The following ZNF48 variants were observed in gnomAD, a reference collection of about 807,000 sequenced individuals.
ZNF48 encodes zinc finger protein 48, also known as zinc finger protein 553.
Under a neutral mutation model 40.0 loss-of-function variants are expected in ZNF48, and 20 were observed. The ratio of observed to expected loss-of-function variants is 0.50; its 90% CI spans 0.35 to 0.73. ZNF48 has a LOEUF of 0.73. Ranked by LOEUF, ZNF48 falls within the 30% of genes least tolerant of loss-of-function variation. The probability of loss-of-function intolerance (pLI) is 0.01; values close to 1 mark genes in which losing one functional copy is unlikely to be tolerated. For missense variants in ZNF48, 726 were observed against 851.9 expected, an observed-to-expected ratio of 0.85 and a Z score of 1.84; for synonymous variants, 298 against 329.7, an observed-to-expected ratio of 0.90 and a Z score of 1.04.
intron 1 of ZNF48, chr16:30,383,107 A>G (rs1479110552): frequency 9.4e-6 from 4 of 427,656 alleles, no homozygotes; most frequent in Non-Finnish European, 1.8e-5. Flanking sequence ...GCATGAGCCC[A>G]GAAGATCAAG....
At chr16:30,395,398 G>GC (rs1053116289), upstream of ZNF48, 8 of 379,078 alleles carry the variant, frequency 2.1e-5, no homozygotes, top group African/African-American at 8.9e-5. The surrounding 1 kb of genome is among the most constrained non-coding windows in gnomAD (Gnocchi z 5.9). Context: ...GCTCCGTGCG[G>GC]CCCCGCGCTT....
chr16:30,380,134 CAGAGAG>C (rs1197485441), intron 1 of ZNF48: 8 of 932,326 alleles, frequency 8.6e-6, no homozygotes, highest in East Asian at 3.0e-5. Flanking sequence ...TGGTCAGAGA[CAGAGAG>C]AAAGACATGA....
Position 30,398,875 on chromosome 16 carries a change from C to A in ZNF48, c.1625C>A (p.Pro542His). 1.2e-6 allele frequency: 2 copies of A among 1,613,964 alleles called. No homozygotes were observed. Among genetic ancestry groups the A allele is most frequent in the Non-Finnish European group, 1.7e-6 (2 of 1,179,988 alleles). The change falls in exon 3 of 3, where the codon CCC becomes CAC. Residue 542 changes from proline to histidine, a missense_variant. Physicochemically the swap from Pro to His is moderately conservative, Grantham distance 77. Coordinates refer to ENST00000613509, the MANE Select transcript of ZNF48 (RefSeq NM_001214909.2). This position sits in a 1 kb window ranked among gnomAD's most constrained non-coding sequence, Gnocchi z 6.6. Reference protein sequence around the residue: ...VRAQPSGPSQPHVCGFCGKEF... With the variant: ...VRAQPSGPSQHHVCGFCGKEF... ...GCCCAGCCTTCTGGACCCAGCCAGC[C>A]CCACGTGTGTGGCTTCTGTGGGAAG...
At chr16:30,386,939 CTT>C (rs1173887858) in intron 1 of ZNF48, among the ~76,000 whole-genome samples, 11 of 107,606 alleles carry the variant, frequency 1.0e-4, no homozygotes, top group Non-Finnish European at 1.6e-4. Flanking sequence ...TGCACCTGGC[CTT>C]TTTTTTTTTT....
Position 30,399,451 on chromosome 16 carries a change from T to G in ZNF48, c.*344T>G. 5.1e-6 allele frequency: 1 copy of G among 194,212 alleles called. No homozygotes were observed. The highest frequency in any genetic ancestry group is 1.1e-5 in the Non-Finnish European group (1 of 94,602). The allele number at this position is 194,212 out of a possible 1,614,324, so 12.0% of individuals were successfully genotyped here. On this transcript the variant is annotated 3_prime_UTR_variant, in exon 3 of 3. Transcript: ENST00000613509. ...TCTGTTAAGAACTGACACTTTCCCC[T>G]TGCTGGGCAGGTAGTACACACCTGT...
rs1209966638 is a variant in ZNF48, at chr16:30,382,721, A to G, written c.-16+4311A>G. The G allele has an allele frequency of 1.1e-5, 17 of 1,535,854 alleles. No homozygotes were observed. Among genetic ancestry groups the G allele is most frequent in the Non-Finnish European group, 1.5e-5 (17 of 1,146,198 alleles). On this transcript the variant is annotated intron_variant, in intron 1 of 2. Coordinates refer to the ZNF48 transcript ENST00000528032. The surrounding 1 kb of genome is among the most constrained non-coding windows in gnomAD (Gnocchi z 4.8). ...CACCTCCTGGACCCCTTTGCCCATC[A>G]CCTGTCTACGTACCTTCAACCCTCC...
rs779107202 is a variant in ZNF48, at chr16:30,381,204, C to T, written c.-16+2794C>T. 1.7e-5 allele frequency: 27 copies of T among 1,613,888 alleles called. No individual in the cohort carries two copies. Among genetic ancestry groups the T allele is most frequent in the African/African-American group, 6.7e-5 (5 of 74,848 alleles). ...ATGACTGGGATGATGTTGACTTTCT[C>T]GTGTACTGCCCGGAGGAAGGCCACA... is the stretch of plus-strand genomic sequence containing the variant. On this transcript the variant is annotated intron_variant, in intron 1 of 2. Coordinates refer to the ZNF48 transcript ENST00000528032. The surrounding 1 kb of genome is among the most constrained non-coding windows in gnomAD (Gnocchi z 4.3).
upstream of ZNF48, chr16:30,395,077 C>G: frequency 1.3e-5 from 5 of 381,760 alleles, no homozygotes; most frequent in South Asian, 9.4e-5. This position sits in a 1 kb window ranked among gnomAD's most constrained non-coding sequence, Gnocchi z 5.9. Context: ...GGTCTCTCCC[C>G]CACCCCTTTC....
At position 30,395,928 on chromosome 16, in the gene ZNF48, G is replaced by A; in HGVS notation, c.79+55G>A. ...ACAGGTAACGGCCGGTGGGGACTGCGATGCTTGGCTGTGGCCGGCCGAGAT... is the reference window on the plus strand; with the variant it reads ...ACAGGTAACGGCCGGTGGGGACTGCAATGCTTGGCTGTGGCCGGCCGAGAT... On this transcript the variant is annotated intron_variant, in intron 2 of 2. Coordinates refer to ENST00000613509, the MANE Select transcript of ZNF48 (RefSeq NM_001214909.2). This position sits in a 1 kb window ranked among gnomAD's most constrained non-coding sequence, Gnocchi z 5.9. The A allele has an allele frequency of 7.0e-7, 1 of 1,438,712 alleles. No individual in the cohort carries two copies. The highest frequency in any genetic ancestry group is 2.2e-5 in the Admixed American group (1 of 44,694). 89.1% of individuals were successfully genotyped at this position (1,438,712 alleles called of 1,614,324 possible). A position where few individuals can be genotyped will look rare whatever the true frequency, so the allele number is the denominator to read the frequency against.
chr16:30,386,939 CT>C (rs1173887858), intron 1 of ZNF48, among the ~76,000 whole-genome samples: 6,277 of 107,616 alleles, frequency 0.058, 76 homozygotes, highest in Non-Finnish European at 0.097. Flanking sequence ...TGCACCTGGC[CT>C]TTTTTTTTTT....
rs766915456 is a variant in ZNF48, at chr16:30,398,773, C to CACCACCACCATCCACTCTGCT, written c.1524_1544dup (p.Pro509_Leu515dup). On this transcript the variant is annotated inframe_insertion, in exon 3 of 3. Coordinates refer to ENST00000613509, the MANE Select transcript of ZNF48 (RefSeq NM_001214909.2). This position sits in a 1 kb window ranked among gnomAD's most constrained non-coding sequence, Gnocchi z 6.6. Reference sequence around the variant, plus strand: ...ACCCACCGTGGTGAACGGGCCCGGCCACCACCACCATCCACTCTGCTGCGG... The same window carrying CACCACCACCATCCACTCTGCT: ...ACCCACCGTGGTGAACGGGCCCGGCCACCACCACCATCCACTCTGCTACCACCACCATCCACTCTGCTGCGG... 3.1e-6 allele frequency: 5 copies of CACCACCACCATCCACTCTGCT among 1,613,662 alleles called. No homozygotes were observed. In the East Asian group the frequency reaches 1.1e-4, roughly 36 times the overall value.
chr16:30,388,051 C>T lies in ZNF48; in HGVS notation c.-15-7729C>T, dbSNP rs146240005. On this transcript the variant is annotated intron_variant, in intron 1 of 2. Transcript: ENST00000528032. ...GCGCGATCTCGGCTCACCACAACCT[C>T]CGCCTCCTGAGTTCAAGCGATTCTC... is the stretch of plus-strand genomic sequence containing the variant. 4.5e-3 allele frequency among the ~76,000 whole-genome samples: 680 copies of T among 151,932 alleles called. 7 individuals carry two copies. Among genetic ancestry groups the T allele is most frequent in the African/African-American group, 0.016 (650 of 41,444 alleles).
At chr16:30,379,026 G>A (rs1242790835) in intron 1 of ZNF48, 1 of 1,612,894 alleles carries the variant, frequency 6.2e-7, no homozygotes, top group Non-Finnish European at 8.5e-7. Flanking sequence ...ACCTGCGGCT[G>A]GCTCGATCGC....
Position 30,381,520 on chromosome 16 carries a change from G to A in ZNF48, c.-16+3110G>A, listed in dbSNP as rs752904386. On this transcript the variant is annotated intron_variant, in intron 1 of 2. Coordinates refer to the ZNF48 transcript ENST00000528032. This position sits in a 1 kb window ranked among gnomAD's most constrained non-coding sequence, Gnocchi z 4.3. ...GAGGTCAGAGATCAAAGGCCAGAGG[G>A]CAGGGGGCAAGGCTAGCCAGGACTG... The A allele has an allele frequency of 1.2e-6, 2 of 1,608,022 alleles. No homozygotes were observed. Among genetic ancestry groups the A allele is most frequent in the South Asian group, 1.1e-5 (1 of 90,870 alleles).
chr16:30,379,746 A>T (rs577189446), intron 1 of ZNF48: 66 of 576,430 alleles, frequency 1.1e-4, no homozygotes, highest in Non-Finnish European at 2.0e-4. Flanking sequence ...AGCTGGAATT[A>T]CAGGCGCCCA....
At chr16:30,383,290 G>A (rs2049873863) in intron 1 of ZNF48, among the ~76,000 whole-genome samples, 2 of 152,128 alleles carry the variant, frequency 1.3e-5, no homozygotes, top group South Asian at 2.1e-4. Context: ...CCGGGTTCCC[G>A]CCATTCTCCT....
At chr16:30,384,222 C>G (rs2049882195) in intron 1 of ZNF48, among the ~76,000 whole-genome samples, 1 of 149,426 alleles carries the variant, frequency 6.7e-6, no homozygotes, top group South Asian at 2.1e-4. Context: ...CTCAAACAAA[C>G]AAACAAACAA....
upstream of ZNF48, among the ~76,000 whole-genome samples, chr16:30,390,860 G>A (rs2049937575): frequency 6.6e-6 from 1 of 151,664 alleles, no homozygotes; most frequent in Non-Finnish European, 1.5e-5. Flanking sequence ...TCCTGACCTC[G>A]TGATCTGCCC....
In ZNF48 at chr16:30,398,482, C is replaced by G. The variant is rs772315897; in HGVS notation, c.1232C>G (p.Pro411Arg). ...PPPPPLGTSP[P>R]LTPRSPSHSG... ...CCACCTCCTCTGGGCACCAGCCCCC[C>G]GCTGACACCTCGAAGTCCCTCACAC... The change falls in exon 3 of 3, where the codon CCG (proline) becomes CGG (arginine). Residue 411 changes from proline to arginine, a missense_variant. Physicochemically the swap from Pro to Arg is moderately radical, Grantham distance 103. This residue lies in a region of ZNF48 where 378 missense variants were observed against 449.1 expected (regional missense o/e 0.84). Transcript: ENST00000613509. The surrounding 1 kb of genome is among the most constrained non-coding windows in gnomAD (Gnocchi z 6.6). The G allele has an allele frequency of 6.3e-7, 1 of 1,587,614 alleles. No individual in the cohort carries two copies. The highest frequency in any genetic ancestry group is 8.6e-7 in the Non-Finnish European group (1 of 1,165,376).
Sources: allele counts gnomAD v4.1 joint callset (sites outside exome capture counted in the v4.1 genomes callset), GRCh38; gene constraint gnomAD v4.1.1; regional missense constraint gnomAD v4.1.1; non-coding constraint Gnocchi (gnomAD v3.1); transcripts MANE v1.5; gene names NCBI Gene and HGNC (gene_info 2026-07-23, HGNC 2026-07-21).